The following SLC35E2B variants were observed in gnomAD, a reference collection of about 807,000 sequenced individuals.
SLC35E2B encodes solute carrier family 35 member E2B.
SLC35E2B carries 18 observed loss-of-function variants against 32.4 expected under a neutral mutation model. That is an observed-to-expected ratio of 0.56 (90% CI 0.38 to 0.82). SLC35E2B has a LOEUF of 0.82. Ranked by LOEUF, SLC35E2B falls within the 40% of genes least tolerant of loss-of-function variation. SLC35E2B has a pLI of 0.00. For missense variants in SLC35E2B, 263 were observed against 469.5 expected (o/e 0.56, Z 4.06); for synonymous variants, 132 against 209.1 (o/e 0.63, Z 3.18).
At chr1:1,681,895 G>C (rs1237881803) in intron 2 of SLC35E2B, among the ~76,000 whole-genome samples, 1 of 149,896 alleles carries the variant, frequency 6.7e-6, no homozygotes, top group Non-Finnish European at 1.5e-5. Flanking sequence ...TGAGGCAGGA[G>C]AACGGTGTGA....
At chr1:1,678,205 A>G (rs1209546715) in intron 2 of SLC35E2B, among the ~76,000 whole-genome samples, 4 of 151,890 alleles carry the variant, frequency 2.6e-5, no homozygotes, top group Non-Finnish European at 5.9e-5. Context: ...TTCTGTGTTT[A>G]TGTTTATGCA....
At chr1:1,689,875 T>C (rs1643998418) in intron 2 of SLC35E2B, among the ~76,000 whole-genome samples, 2 of 150,462 alleles carry the variant, frequency 1.3e-5, no homozygotes, top group Non-Finnish European at 3.0e-5. Flanking sequence ...TAATCCCAGC[T>C]ACTCGGGAGG....
intron 2 of SLC35E2B, among the ~76,000 whole-genome samples, chr1:1,677,471 C>T (rs927428649): frequency 6.7e-6 from 1 of 148,614 alleles, no homozygotes; most frequent in African/African-American, 2.5e-5. Context: ...ATGCTACTTT[C>T]TTTTTCCTTT....
chr1:1,665,638 C>T lies in SLC35E2B; in HGVS notation c.*144G>A. The T allele has an allele frequency of 7.6e-7, 1 of 1,324,342 alleles. No homozygotes were observed. Among genetic ancestry groups the T allele is most frequent in the Non-Finnish European group, 1.0e-6 (1 of 995,598 alleles). 82.0% of individuals were successfully genotyped at this position (1,324,342 alleles called of 1,614,324 possible). Reference sequence around the variant, plus strand: ...CAGTTTGAGTTTCTGCTGGTCTTCACCGACAAACCGAGAAAGCCGCAGGCA... The same window carrying T: ...CAGTTTGAGTTTCTGCTGGTCTTCATCGACAAACCGAGAAAGCCGCAGGCA... On this transcript the variant is annotated 3_prime_UTR_variant, in exon 10 of 10. Transcript: ENST00000617444.
chr1:1,670,539 G>A (rs191434328), intron 6 of SLC35E2B: 42 of 169,928 alleles, frequency 2.5e-4, no homozygotes, highest in African/African-American at 9.2e-4. Flanking sequence ...CTCTTTCCTC[G>A]GCCTCCCCAG....
intron 2 of SLC35E2B, among the ~76,000 whole-genome samples, chr1:1,683,132 C>T (rs561609599): frequency 6.6e-6 from 1 of 152,084 alleles, no homozygotes; most frequent in Non-Finnish European, 1.5e-5. Flanking sequence ...GAGGAATGCA[C>T]AGTTTCTCTG....
chr1:1,690,464 C>T (rs1191876308), intron 2 of SLC35E2B, among the ~76,000 whole-genome samples: 1 of 145,644 alleles, frequency 6.9e-6, no homozygotes, highest in Non-Finnish European at 1.5e-5. Context: ...GTTGGCGGGG[C>T]ATGGTGGCTC....
In SLC35E2B at chr1:1,663,379, T is replaced by G. The variant is rs1331204573; in HGVS notation, c.*2403A>C. ...ATCTTCAAAGAGGCCGGCAGCCACATTCTCGACGGGGAGGTGGACAAGGCC... is the reference window on the plus strand; with the variant it reads ...ATCTTCAAAGAGGCCGGCAGCCACAGTCTCGACGGGGAGGTGGACAAGGCC... On this transcript the variant is annotated 3_prime_UTR_variant, in exon 10 of 10. Coordinates refer to ENST00000617444, the MANE Select transcript of SLC35E2B (RefSeq NM_001290264.2). 16 of 956,926 alleles carry G rather than the reference T, an allele frequency of 1.7e-5. 3 individuals are homozygous for G. Among genetic ancestry groups the G allele is most frequent in the Non-Finnish European group, 2.0e-5 (16 of 805,724 alleles). 59.3% of individuals were successfully genotyped at this position (956,926 alleles called of 1,614,324 possible). A position where few individuals can be genotyped will look rare whatever the true frequency, so the allele number is the denominator to read the frequency against.
intron 2 of SLC35E2B, among the ~76,000 whole-genome samples, chr1:1,679,852 G>C (rs1408141215): frequency 6.9e-6 from 1 of 144,616 alleles, no homozygotes; most frequent in African/African-American, 2.6e-5. Flanking sequence ...AAAAAAAAAT[G>C]CTGGGCGCGA....
intron 5 of SLC35E2B, among the ~76,000 whole-genome samples, 161 bp downstream of exon 5, chr1:1,675,302 C>T (rs1023081098): frequency 2.0e-5 from 3 of 150,480 alleles, no homozygotes; most frequent in African/African-American, 4.9e-5. Flanking sequence ...AAGACACCCC[C>T]GCACATGTGA....
At position 1,686,925 on chromosome 1, in the gene SLC35E2B, G is replaced by A. The variant is rs1216722511; in HGVS notation, c.-148+4051C>T. Among the ~76,000 whole-genome samples the A allele has an allele frequency of 2.6e-5, 4 of 151,382 alleles. No individual in the cohort carries two copies. In the East Asian group the frequency reaches 5.9e-4, roughly 22 times the overall value. On this transcript the variant is annotated intron_variant, in intron 2 of 9. Transcript: ENST00000617444. ...CAAAAAATTAGCCGGGCGTGGTGAC[G>A]GGCACCTGTACTCCCAGCTACTCAG... is the stretch of plus-strand genomic sequence containing the variant.
chr1:1,687,746 A>G (rs1643969117), intron 2 of SLC35E2B, among the ~76,000 whole-genome samples: 1 of 151,492 alleles, frequency 6.6e-6, no homozygotes, highest in Admixed American at 6.6e-5. Context: ...AAAAAAAAAA[A>G]AAAAGATTAA....
chr1:1,671,691 C>A lies in SLC35E2B; in HGVS notation c.587-62G>T. ...CCGGGCGGACGCTCCCTCCCGAGGG[C>A]CAGGCTGTTTCCATCCCCTCTTATG... On this transcript the variant is annotated intron_variant, in intron 5 of 9. Coordinates refer to ENST00000617444, the MANE Select transcript of SLC35E2B (RefSeq NM_001290264.2). 3.5e-6 allele frequency: 5 copies of A among 1,412,694 alleles called. No individual in the cohort carries two copies. In the South Asian group the frequency reaches 6.1e-5, roughly 17 times the overall value. The allele number at this position is 1,412,694 out of a possible 1,614,324, so 87.5% of individuals were successfully genotyped here.
At chr1:1,679,067 C>G (rs570292870) in intron 2 of SLC35E2B, among the ~76,000 whole-genome samples, 2 of 152,160 alleles carry the variant, frequency 1.3e-5, no homozygotes, top group African/African-American at 2.4e-5. Flanking sequence ...CCTCCCACCT[C>G]GAAGGCTGCC....
intron 2 of SLC35E2B, among the ~76,000 whole-genome samples, chr1:1,686,924 C>T (rs1335528211): frequency 2.6e-5 from 4 of 151,968 alleles, no homozygotes; most frequent in South Asian, 2.1e-4. Context: ...GGCGTGGTGA[C>T]GGGCACCTGT....
At chr1:1,685,229 C>G (rs1643936651) in intron 2 of SLC35E2B, among the ~76,000 whole-genome samples, 1 of 151,614 alleles carries the variant, frequency 6.6e-6, no homozygotes, top group Non-Finnish European at 1.5e-5. Context: ...CAATACCAGC[C>G]TGGGTAATAT....
intron 2 of SLC35E2B, among the ~76,000 whole-genome samples, chr1:1,687,130 G>A (rs759973416): frequency 6.6e-6 from 1 of 152,160 alleles, no homozygotes; most frequent in African/African-American, 2.4e-5. Flanking sequence ...GGCCTGTGAG[G>A]GTGCTGTCGG....
At position 1,665,267 on chromosome 1, in the gene SLC35E2B, G is replaced by A. The variant is rs1019343738; in HGVS notation, c.*515C>T. 1.5e-5 allele frequency: 4 copies of A among 259,992 alleles called. No homozygotes were observed. The highest frequency in any genetic ancestry group is 5.3e-5 in the Admixed American group (1 of 18,790). 16.1% of individuals were successfully genotyped at this position (259,992 alleles called of 1,614,324 possible). A position where few individuals can be genotyped will look rare whatever the true frequency, so the allele number is the denominator to read the frequency against. ...TGGGGAGAAGTTCTGAGTGCCCACC[G>A]TGGCAGCAGGAGACCCTTCCTTCCA... On this transcript the variant is annotated 3_prime_UTR_variant, in exon 10 of 10. Transcript: ENST00000617444.
At chr1:1,686,296 C>T (rs560373729) in intron 2 of SLC35E2B, among the ~76,000 whole-genome samples, 4 of 150,808 alleles carry the variant, frequency 2.7e-5, no homozygotes, top group South Asian at 4.2e-4. Context: ...AGCCACTGCG[C>T]CCAGCCTCCC....
Sources: allele counts gnomAD v4.1 joint callset (sites outside exome capture counted in the v4.1 genomes callset), GRCh38; gene constraint gnomAD v4.1.1; transcripts MANE v1.5; gene names NCBI Gene and HGNC (gene_info 2026-07-23, HGNC 2026-07-21).